The following EPHA10 variants were observed in gnomAD, a reference collection of about 807,000 sequenced individuals.
EPHA10 encodes EPH receptor A10.
In EPHA10, 120 loss-of-function variants were observed where a neutral mutation model predicts 109.7. The observed-to-expected ratio is 1.09, with a 90% CI of 0.94 to 1.27. EPHA10 has a LOEUF of 1.27. EPHA10 is among the 50% of genes most tolerant of loss of function. The pLI, the probability that EPHA10 is intolerant of heterozygous loss-of-function variation, is 0.00. For missense variants in EPHA10, 1,396 were observed against 1,411.1 expected (o/e 0.99, Z 0.17); for synonymous variants, 640 against 618.9 (o/e 1.03, Z -0.51).
intron 15 of EPHA10, chr1:37,719,021 G>A (rs1030976477): frequency 3.7e-5 from 25 of 671,210 alleles, no homozygotes; most frequent in South Asian, 5.8e-5. Context: ...CAGAGCCAGC[G>A]CCAGCTAAAG....
chr1:37,741,378 A>G (rs1285536928), intron 5 of EPHA10, among the ~76,000 whole-genome samples: 1 of 152,210 alleles, frequency 6.6e-6, no homozygotes, highest in Non-Finnish European at 1.5e-5. Context: ...CCGATCAGAT[A>G]GTAATAAAGC....
intron 8 of EPHA10, among the ~76,000 whole-genome samples, chr1:37,726,394 T>G (rs1321819654): frequency 6.6e-6 from 1 of 152,168 alleles, no homozygotes; most frequent in Non-Finnish European, 1.5e-5. Flanking sequence ...GAATGCCCAT[T>G]GTCGTTCCAG....
chr1:37,753,404 G>A (rs931038562), intron 4 of EPHA10, among the ~76,000 whole-genome samples, 178 bp from the exon 5 acceptor site: 1 of 151,964 alleles, frequency 6.6e-6, no homozygotes, highest in Non-Finnish European at 1.5e-5. Context: ...TGGTGGATGA[G>A]GGGGGACGGG....
Position 37,764,931 on chromosome 1 carries a change from G to C in EPHA10, c.106+30C>G, listed in dbSNP as rs1436690121. 6.4e-7 allele frequency: 1 copy of C among 1,570,844 alleles called. No individual in the cohort carries two copies. The highest frequency in any genetic ancestry group is 1.9e-5 in the Admixed American group (1 of 53,608). ...AGCCCCCTATCTTTTGGTATGCCAC[G>C]CTCCGAGCAGAGCTCACCAGTCTTC... On this transcript the variant is annotated intron_variant, in intron 1 of 16. Transcript: ENST00000373048. The surrounding 1 kb of genome is among the most constrained non-coding windows in gnomAD (Gnocchi z 5.8).
At position 37,719,514 on chromosome 1, in the gene EPHA10, C is replaced by G. The variant is rs1385769291; in HGVS notation, c.2656G>C (p.Asp886His). Residue 886 changes from aspartate to histidine, a missense_variant, in exon 15 of 17, where the codon GAC (aspartate) becomes CAC (histidine). Physicochemically the swap from Asp to His is moderately conservative, Grantham distance 81. Coordinates refer to ENST00000373048, the MANE Select transcript of EPHA10 (RefSeq NM_001099439.2). ...HRLMLDCWQK[D>H]PGERPRFSQI... The stretch of plus-strand genomic sequence containing the variant: ...GAGAACCTGGGCCGCTCACCTGGGT[C>G]CTTCTGCCAGCAGTCGAGCATTAGT... 1 of 1,614,004 alleles carries G rather than the reference C, an allele frequency of 6.2e-7. No homozygotes were observed. The highest frequency in any genetic ancestry group is 8.5e-7 in the Non-Finnish European group (1 of 1,180,020).
intron 3 of EPHA10, chr1:37,761,119 A>G: frequency 8.5e-7 from 1 of 1,179,710 alleles, no homozygotes; most frequent in Non-Finnish European, 1.1e-6. Context: ...GACTTCCTTT[A>G]TTGCCATGAA....
intron 6 of EPHA10, chr1:37,734,665 C>T (rs1311645062): frequency 2.2e-6 from 1 of 454,714 alleles, no homozygotes; most frequent in African/African-American, 2.0e-5. Context: ...TACAAGAGGT[C>T]AGCAAAAATC....
rs962612047 is a variant in EPHA10 at position 37,754,087 on chromosome 1, G to A, written c.1006+128C>T. On this transcript the variant is annotated intron_variant, in intron 4 of 16. Coordinates refer to ENST00000373048, the MANE Select transcript of EPHA10 (RefSeq NM_001099439.2). This position sits in a 1 kb window ranked among gnomAD's most constrained non-coding sequence, Gnocchi z 4.5. ...CCCGTACGCCGCCTTCCGGGGCGCT[G>A]GCCCCCATATCCGCCCACGTGCGCC... The A allele has an allele frequency of 1.2e-5, 13 of 1,067,212 alleles. No individual in the cohort carries two copies. The highest frequency in any genetic ancestry group is 3.3e-5 in the African/African-American group (2 of 60,998). The allele number at this position is 1,067,212 out of a possible 1,614,324, so 66.1% of individuals were successfully genotyped here.
chr1:37,719,768 G>C, intron 14 of EPHA10, 141 bp downstream of exon 14: 1 of 1,469,630 alleles, frequency 6.8e-7, no homozygotes, highest in Non-Finnish European at 9.4e-7. Flanking sequence ...CTGGGGCAGT[G>C]GCCAGGCAGA....
intron 7 of EPHA10, 24 bp from the exon 8 acceptor site, chr1:37,727,234 A>G: frequency 6.4e-7 from 1 of 1,571,138 alleles, no homozygotes; most frequent in Non-Finnish European, 8.7e-7. Flanking sequence ...CACGAGGTTG[A>G]GGCAGGCAGA....
At chr1:37,741,189 G>A (rs976311894) in intron 5 of EPHA10, among the ~76,000 whole-genome samples, 6 of 152,220 alleles carry the variant, frequency 3.9e-5, no homozygotes, top group African/African-American at 1.4e-4. Context: ...GGAATTTTAT[G>A]AAGTAATGTG....
chr1:37,735,435 G>A (rs1374539911), intron 5 of EPHA10, 45 bp from the exon 6 acceptor site: 4 of 1,551,518 alleles, frequency 2.6e-6, no homozygotes, highest in South Asian at 2.4e-5. Context: ...CCCACCTCAC[G>A]GCAGGGCTGG....
chr1:37,719,741 C>T (rs1260456148), intron 14 of EPHA10, 134 bp from the exon 15 acceptor site: 1 of 1,417,902 alleles, frequency 7.1e-7, no homozygotes, highest in Non-Finnish European at 9.7e-7. Flanking sequence ...GACACACACA[C>T]ACACACCCAA....
Position 37,762,143 on chromosome 1 carries a change from C to G in EPHA10, c.172-60G>C, listed in dbSNP as rs566622184. Reference sequence around the variant, plus strand: ...GCCAAAGTGCTTCCAGGAGGTGGAGCGCTAGCAGTGACTCCTGCTTTCTCT... The same window carrying G: ...GCCAAAGTGCTTCCAGGAGGTGGAGGGCTAGCAGTGACTCCTGCTTTCTCT... On this transcript the variant is annotated intron_variant, in intron 2 of 16. Transcript: ENST00000373048. 6.4e-5 allele frequency: 95 copies of G among 1,482,386 alleles called. No homozygotes were observed. In the East Asian group the frequency reaches 1.8e-3, roughly 28 times the overall value. The allele number at this position is 1,482,386 out of a possible 1,614,324, so 91.8% of individuals were successfully genotyped here. A position where few individuals can be genotyped will look rare whatever the true frequency, so the allele number is the denominator to read the frequency against.
At position 37,719,960 on chromosome 1, in the gene EPHA10, C is replaced by T. The variant is rs779452079; in HGVS notation, c.2511G>A (p.Trp837Ter). Reference sequence around the variant, plus strand: ...GCCGCTCCCCAAAGGCCATCACCTCCCACATGATGATGCCGAAGCTCCACA... The same window carrying T: ...GCCGCTCCCCAAAGGCCATCACCTCTCACATGATGATGCCGAAGCTCCACA... The part of the protein sequence containing the change: ...SDVWSFGIIM[W>*]EVMAFGERPY... The change falls in exon 14 of 17, where the codon TGG (tryptophan) becomes TGA (stop). Residue 837 changes from tryptophan (W) to a stop codon, truncating the protein, a stop_gained. Transcript: ENST00000373048. LOFTEE classifies it high-confidence loss of function. 1 of 1,614,090 alleles carries T rather than the reference C, an allele frequency of 6.2e-7. No homozygotes were observed. The highest frequency in any genetic ancestry group is 1.7e-5 in the Admixed American group (1 of 60,026).
At chr1:37,762,916 T>C (rs1646446358) in intron 1 of EPHA10, 67 bp from the exon 2 acceptor site, 2 of 1,423,330 alleles carry the variant, frequency 1.4e-6, no homozygotes, top group Non-Finnish European at 1.9e-6. Flanking sequence ...AGTGGAATCC[T>C]TTGGTGAAGT....
chr1:37,721,487 G>A (rs938755915), intron 11 of EPHA10, among the ~76,000 whole-genome samples, 173 bp downstream of exon 11: 7 of 151,864 alleles, frequency 4.6e-5, no homozygotes, highest in African/African-American at 1.7e-4. Flanking sequence ...CAGAGTGGCC[G>A]CTCCAGGAGA....
chr1:37,731,534 C>T lies in EPHA10; in HGVS notation c.1540G>A (p.Val514Ile). 3 of 1,614,078 alleles carry T rather than the reference C, an allele frequency of 1.9e-6. No individual in the cohort carries two copies. Among genetic ancestry groups the T allele is most frequent in the Non-Finnish European group, 2.5e-6 (3 of 1,179,966 alleles). ...GCCGGCTTCAGGTTGGTGACGGTGA[C>T]TGTGGGCGCCCCTGTCTTCACCATG... is the stretch of plus-strand genomic sequence containing the variant. ...YSMVKTGAPT[V>I]TVTNLKPATR... The change falls in exon 7 of 17, where the codon GTC (valine) becomes ATC (isoleucine). Residue 514 changes from valine (V) to isoleucine (I), a missense_variant. Transcript: ENST00000373048.
chr1:37,751,946 G>A (rs1007970894), intron 5 of EPHA10, among the ~76,000 whole-genome samples: 6 of 152,054 alleles, frequency 3.9e-5, no homozygotes, highest in African/African-American at 1.4e-4. Flanking sequence ...GTGCATACGT[G>A]TACATGTCAT....
Sources: allele counts gnomAD v4.1 joint callset (sites outside exome capture counted in the v4.1 genomes callset), GRCh38; gene constraint gnomAD v4.1.1; non-coding constraint Gnocchi (gnomAD v3.1); transcripts MANE v1.5; gene names NCBI Gene and HGNC (gene_info 2026-07-23, HGNC 2026-07-21).